The following DUSP13B variants were observed in gnomAD, a reference collection of about 807,000 sequenced individuals.
The protein encoded by DUSP13B is dual specificity phosphatase 13B.
At chr10:75,104,236 G>T in the DUSP13B span, 1 of 461,052 alleles carries the variant, frequency 2.2e-6, no homozygotes, top group Non-Finnish European at 3.7e-6. Context: ...AGTGAGTGCA[G>T]CTGCTGGGAG....
chr10:75,104,083 G>A, the DUSP13B span: 2 of 1,355,264 alleles, frequency 1.5e-6, no homozygotes, highest in Non-Finnish European at 2.0e-6. Flanking sequence ...CCATGGCAGG[G>A]AGTAAGGACC....
chr10:75,097,887 T>C, the DUSP13B span: 1 of 1,587,394 alleles, frequency 6.3e-7, no homozygotes. Flanking sequence ...GAGTCCATCC[T>C]GGAACAGAGT....
At chr10:75,098,531 G>A in the DUSP13B span, among the ~76,000 whole-genome samples, 2 of 152,174 alleles carry the variant, frequency 1.3e-5, no homozygotes, top group Non-Finnish European at 2.9e-5. Context: ...GGAGGCTGAG[G>A]CAGGCAGATC....
At chr10:75,097,793 A>T in the DUSP13B span, 1 of 1,613,970 alleles carries the variant, frequency 6.2e-7, no homozygotes, top group African/African-American at 1.3e-5. Context: ...CAAGCGCTGC[A>T]GCGAAGCCAA....
the DUSP13B span, among the ~76,000 whole-genome samples, chr10:75,096,321 A>T: frequency 1.3e-5 from 2 of 152,068 alleles, no homozygotes; most frequent in African/African-American, 4.8e-5. Context: ...TTATGCCTAT[A>T]ATCCCAACAC....
the DUSP13B span, among the ~76,000 whole-genome samples, chr10:75,095,193 AGG>A: frequency 1.3e-5 from 2 of 152,096 alleles, no homozygotes; most frequent in Admixed American, 1.3e-4. Context: ...ATCAGATTAT[AGG>A]GGGTGTCCAT....
At chr10:75,099,209 C>A in the DUSP13B span, 8 of 1,232,268 alleles carry the variant, frequency 6.5e-6, no homozygotes, top group Non-Finnish European at 8.1e-6. Context: ...GCCCCTGATC[C>A]CCTGGACCAG....
chr10:75,100,249 G>C, the DUSP13B span, among the ~76,000 whole-genome samples: 16 of 152,240 alleles, frequency 1.1e-4, no homozygotes, highest in African/African-American at 3.9e-4. Context: ...CTCTGCCTCC[G>C]AGGGGACCTA....
the DUSP13B span, chr10:75,103,888 T>C: frequency 7.7e-7 from 1 of 1,303,914 alleles, no homozygotes; most frequent in Non-Finnish European, 1.0e-6. Context: ...GGGAGCCCAC[T>C]CCCACCTGTG....
chr10:75,105,982 G>A, the DUSP13B span: 2 of 964,852 alleles, frequency 2.1e-6, no homozygotes, highest in Non-Finnish European at 3.1e-6. Flanking sequence ...CTGTGATCCT[G>A]AGCAAGTCAC....
At chr10:75,108,194 G>T in the DUSP13B span, 274 of 1,605,254 alleles carry the variant, frequency 1.7e-4, no homozygotes, top group Non-Finnish European at 2.2e-4. Context: ...GCTCAAAGCG[G>T]TTGTTTGCCG....
chr10:75,108,127 G>C, the DUSP13B span: 1 of 1,613,700 alleles, frequency 6.2e-7, no homozygotes, highest in South Asian at 1.1e-5. Flanking sequence ...GGGCCGCCCT[G>C]ACAGTAGAGG....
the DUSP13B span, chr10:75,108,963 C>A: frequency 1.9e-6 from 3 of 1,551,242 alleles, no homozygotes; most frequent in Non-Finnish European, 2.6e-6. Context: ...CAAGAACTGC[C>A]TCTCCACGTC....
the DUSP13B span, chr10:75,098,999 C>A: frequency 4.1e-6 from 5 of 1,232,222 alleles, no homozygotes; most frequent in Admixed American, 1.3e-4. Context: ...GAGCCACACA[C>A]CTGCCTACAG....
the DUSP13B span, chr10:75,095,866 AG>A: frequency 9.3e-6 from 14 of 1,501,124 alleles, no homozygotes; most frequent in African/African-American, 1.9e-4. Flanking sequence ...GCTGGGTTGA[AG>A]TTTGCAAACA....
the DUSP13B span, among the ~76,000 whole-genome samples, chr10:75,098,317 A>T: frequency 6.6e-6 from 1 of 152,030 alleles, no homozygotes; most frequent in Non-Finnish European, 1.5e-5. Context: ...AAGCCCCCTC[A>T]CCTGCTACTT....
chr10:75,094,974 T>A, the DUSP13B span: 1 of 1,080,786 alleles, frequency 9.3e-7, no homozygotes, highest in Non-Finnish European at 1.4e-6. Flanking sequence ...TACAGTATCC[T>A]GGAATACTGA....
chr10:75,099,462 T>C, the DUSP13B span: 1 of 1,231,864 alleles, frequency 8.1e-7, no homozygotes, highest in Non-Finnish European at 1.0e-6. Flanking sequence ...AATGGGGGAG[T>C]GGGTGCAGGG....
the DUSP13B span, chr10:75,101,994 T>C: frequency 7.4e-7 from 1 of 1,351,594 alleles, no homozygotes; most frequent in Non-Finnish European, 9.9e-7. Flanking sequence ...TTATAAAGCA[T>C]GCTGTCTACT....
Sources: allele counts gnomAD v4.1 joint callset (sites outside exome capture counted in the v4.1 genomes callset), GRCh38; gene constraint gnomAD v4.1.1; transcripts MANE v1.5; gene names NCBI Gene and HGNC (gene_info 2026-07-23, HGNC 2026-07-21).